Variants in HMGCLL1 observed in about 807,000 individuals in gnomAD.
The protein encoded by HMGCLL1 is 3-hydroxy-3-methylglutaryl-CoA lyase like 1, also known as 3-hydroxymethyl-3-methylglutaryl-CoA lyase, cytoplasmic.
In HMGCLL1, 36 loss-of-function variants were observed where a neutral mutation model predicts 39.1. The observed-to-expected ratio is 0.92, with a 90% CI of 0.71 to 1.22. The LOEUF (loss-of-function observed/expected upper bound fraction) is 1.22. Ranked by LOEUF, HMGCLL1 falls within the 50% of genes most tolerant of loss-of-function variation. HMGCLL1 has a pLI of 0.00. For missense variants in HMGCLL1, 451 were observed against 416.5 expected, an observed-to-expected ratio of 1.08 and a Z score of -0.72; for synonymous variants, 149 against 144.0, an observed-to-expected ratio of 1.03 and a Z score of -0.25.
At chr6:55,669,742 G>A in the HMGCLL1 span, among the ~76,000 whole-genome samples, 1 of 151,640 alleles carries the variant, frequency 6.6e-6, no homozygotes, top group African/African-American at 2.4e-5. Context: ...TTAAAAAGCA[G>A]AATGAAAACG....
the HMGCLL1 span, among the ~76,000 whole-genome samples, chr6:55,646,702 C>A: frequency 9.9e-5 from 15 of 152,030 alleles, no homozygotes; most frequent in African/African-American, 3.6e-4. Flanking sequence ...TGTATAGCTG[C>A]AAAAATTCTT....
At chr6:55,550,629 A>T (rs955837548) in intron 1 of HMGCLL1, among the ~76,000 whole-genome samples, 2 of 151,852 alleles carry the variant, frequency 1.3e-5, no homozygotes, top group Admixed American at 6.6e-5. Context: ...CCAAAATGGG[A>T]TTTGGGAGCT....
the HMGCLL1 span, among the ~76,000 whole-genome samples, chr6:55,669,006 G>A: frequency 6.6e-6 from 1 of 151,252 alleles, no homozygotes; most frequent in South Asian, 2.1e-4. Flanking sequence ...CTACCACATG[G>A]CCTCAGACTT....
At chr6:55,576,002 T>C (rs1378246862) in intron 1 of HMGCLL1, among the ~76,000 whole-genome samples, 1 of 152,198 alleles carries the variant, frequency 6.6e-6, no homozygotes, top group African/African-American at 2.4e-5. Flanking sequence ...TCAAAAAGTA[T>C]TATTGGCCAT....
intron 7 of HMGCLL1, among the ~76,000 whole-genome samples, chr6:55,442,511 G>C (rs561017327): frequency 6.6e-6 from 1 of 152,104 alleles, no homozygotes; most frequent in Non-Finnish European, 1.5e-5. Context: ...TCAACCACTT[G>C]CCTAGAGTTT....
the HMGCLL1 span, among the ~76,000 whole-genome samples, chr6:55,645,511 T>C: frequency 0.017 from 2,560 of 152,126 alleles, 127 homozygotes; most frequent in Admixed American, 0.099. Context: ...TTTTTTCTCA[T>C]TCAGTATAAT....
chr6:55,667,447 G>T, the HMGCLL1 span, among the ~76,000 whole-genome samples: 1 of 151,714 alleles, frequency 6.6e-6, no homozygotes, highest in Non-Finnish European at 1.5e-5. Flanking sequence ...TCATTTCAAA[G>T]ATAAGAATCC....
At chr6:55,565,302 A>G (rs571472677) in intron 1 of HMGCLL1, among the ~76,000 whole-genome samples, 1 of 152,134 alleles carries the variant, frequency 6.6e-6, no homozygotes, top group South Asian at 2.1e-4. Context: ...GCAAAACTCT[A>G]AGAGTTCAAA....
chr6:55,494,126 G>A (rs1390064606), intron 7 of HMGCLL1, among the ~76,000 whole-genome samples: 1 of 152,114 alleles, frequency 6.6e-6, no homozygotes, highest in Non-Finnish European at 1.5e-5. Context: ...TATTAGCAAT[G>A]TTTTGTTACT....
chr6:55,646,655 G>A, the HMGCLL1 span, among the ~76,000 whole-genome samples: 2 of 152,010 alleles, frequency 1.3e-5, no homozygotes, highest in East Asian at 1.9e-4. Flanking sequence ...TTGGCCCACT[G>A]GTCATTGAGG....
At chr6:55,623,071 T>C in the HMGCLL1 span, among the ~76,000 whole-genome samples, 2 of 152,016 alleles carry the variant, frequency 1.3e-5, no homozygotes, top group African/African-American at 4.8e-5. Flanking sequence ...ATAGTCTCAA[T>C]GATTCTTTGA....
the HMGCLL1 span, among the ~76,000 whole-genome samples, chr6:55,612,056 C>T: frequency 1.3e-5 from 2 of 152,118 alleles, no homozygotes; most frequent in East Asian, 3.9e-4. Context: ...ACCCCATCGT[C>T]TCAGGCCAAA....
At chr6:55,471,834 C>A (rs1218312588) in intron 7 of HMGCLL1, among the ~76,000 whole-genome samples, 2 of 151,528 alleles carry the variant, frequency 1.3e-5, no homozygotes, top group African/African-American at 4.8e-5. Flanking sequence ...GCTCTCACAC[C>A]TTCTCCCTTA....
the HMGCLL1 span, among the ~76,000 whole-genome samples, chr6:55,634,753 T>C: frequency 3.3e-5 from 5 of 152,120 alleles, no homozygotes. Flanking sequence ...ATCTTGGAAA[T>C]AGAAGATCCC....
At chr6:55,631,292 T>G in the HMGCLL1 span, among the ~76,000 whole-genome samples, 1 of 152,264 alleles carries the variant, frequency 6.6e-6, no homozygotes, top group East Asian at 1.9e-4. Context: ...TTCCTCATTC[T>G]TTATGAAGAC....
At chr6:55,654,105 C>T in the HMGCLL1 span, among the ~76,000 whole-genome samples, 1 of 151,874 alleles carries the variant, frequency 6.6e-6, no homozygotes, top group Non-Finnish European at 1.5e-5. Flanking sequence ...TAAATGCCAA[C>T]AACATAAGGC....
chr6:55,582,032 C>T (rs994297516), upstream of HMGCLL1, among the ~76,000 whole-genome samples: 3 of 152,028 alleles, frequency 2.0e-5, no homozygotes, highest in Admixed American at 6.6e-5. Flanking sequence ...TGGACTCATC[C>T]CTTGCTCTTT....
intron 3 of HMGCLL1, among the ~76,000 whole-genome samples, chr6:55,529,388 T>C (rs1768508328): frequency 6.6e-6 from 1 of 152,114 alleles, no homozygotes; most frequent in African/African-American, 2.4e-5. Context: ...ATACTTACAC[T>C]TCTTTCTGTA....
intron 5 of HMGCLL1, among the ~76,000 whole-genome samples, chr6:55,504,119 T>G (rs1767035239): frequency 5.9e-5 from 9 of 151,754 alleles, no homozygotes; most frequent in Admixed American, 4.6e-4. Context: ...ACCTTCTACC[T>G]TTCTTTTACT....
Sources: allele counts gnomAD v4.1 joint callset (sites outside exome capture counted in the v4.1 genomes callset), GRCh38; gene constraint gnomAD v4.1.1; transcripts MANE v1.5; gene names NCBI Gene and HGNC (gene_info 2026-07-23, HGNC 2026-07-21).